Variants in SCG3 observed in about 807,000 individuals in gnomAD.
SCG3 encodes secretogranin-3.
SCG3 carries 38 observed loss-of-function variants against 56.2 expected under a neutral mutation model. That is an observed-to-expected ratio of 0.68 (90% confidence interval 0.52 to 0.89). The LOEUF is 0.89. Ranked by LOEUF, SCG3 falls within the 40% of genes least tolerant of loss-of-function variation. The pLI, the probability that SCG3 is intolerant of heterozygous loss-of-function variation, is 0.00. For missense variants in SCG3, 524 were observed against 540.7 expected, an observed-to-expected ratio of 0.97 and a Z score of 0.31; for synonymous variants, 176 against 184.2, an observed-to-expected ratio of 0.96 and a Z score of 0.36.
chr15:51,709,175 G>A (rs2055395585), intron 10 of SCG3, among the ~76,000 whole-genome samples: 2 of 152,174 alleles, frequency 1.3e-5, no homozygotes, highest in East Asian at 1.9e-4. Context: ...ATGGTAGGAA[G>A]GAGAAGTGCT....
chr15:51,683,033 T>C, intron 2 of SCG3, 46 bp from the exon 3 acceptor site: 2 of 1,485,650 alleles, frequency 1.3e-6, no homozygotes, highest in African/African-American at 1.4e-5. Context: ...TGGTAAGTAG[T>C]GGAGCAATGA....
chr15:51,716,353 T>C (rs543841259), intron 11 of SCG3, among the ~76,000 whole-genome samples: 10 of 152,318 alleles, frequency 6.6e-5, no homozygotes, highest in African/African-American at 2.4e-4. Context: ...GCCTGCAAAA[T>C]GTATGTTCAG....
chr15:51,715,880 C>CA lies in SCG3; in HGVS notation c.1288+2468dup, dbSNP rs1402099878. ...TCTGCACTTTTTTTTTTTTTTGAGA[C>CA]AGAGTCTCGCTCTGTCGCCCAGGCT... is the stretch of plus-strand genomic sequence containing the variant. On this transcript the variant is annotated intron_variant, in intron 11 of 11. Coordinates refer to ENST00000220478, the MANE Select transcript of SCG3 (RefSeq NM_013243.4). Among the ~76,000 whole-genome samples, 577 of 150,214 alleles carry CA rather than the reference C, an allele frequency of 3.8e-3. 5 individuals are homozygous for CA. Among genetic ancestry groups the CA allele is most frequent in the African/African-American group, 0.014 (560 of 40,668 alleles).
At position 51,707,361 on chromosome 15, in the gene SCG3, C is replaced by T. The variant is rs543270394; in HGVS notation, c.1208-5972C>T. On this transcript the variant is annotated intron_variant, in intron 10 of 11. Coordinates refer to ENST00000220478, the MANE Select transcript of SCG3 (RefSeq NM_013243.4). ...CCTGTGGATACACTTATTTTTTAAGCAACATAAGAGAATTCACGCCTGCCT... is the reference window on the plus strand; with the variant it reads ...CCTGTGGATACACTTATTTTTTAAGTAACATAAGAGAATTCACGCCTGCCT... Among the ~76,000 whole-genome samples, 9 of 152,172 alleles carry T rather than the reference C, an allele frequency of 5.9e-5. No homozygotes were observed. The South Asian group carries it at 1.2e-3, about 21-fold the overall frequency.
chr15:51,683,468 G>C, intron 4 of SCG3, 34 bp downstream of exon 4: 1 of 1,375,270 alleles, frequency 7.3e-7, no homozygotes. Flanking sequence ...TTGTTAACGT[G>C]GAGTTTCCTA....
intron 8 of SCG3, 59 bp from the exon 9 acceptor site, chr15:51,699,259 TA>T (rs1307929702): frequency 4.8e-6 from 6 of 1,237,350 alleles, no homozygotes; most frequent in Non-Finnish European, 7.0e-6. Flanking sequence ...ACATTTTTCG[TA>T]AAAATTTGAT....
intron 10 of SCG3, among the ~76,000 whole-genome samples, chr15:51,701,556 T>C (rs1260808877): frequency 6.6e-6 from 1 of 152,224 alleles, no homozygotes; most frequent in Non-Finnish European, 1.5e-5. Flanking sequence ...TATGAATTTA[T>C]TGAGCAATAT....
At chr15:51,704,240 C>CAT (rs1314214604) in intron 10 of SCG3, among the ~76,000 whole-genome samples, 2,440 of 58,476 alleles carry the variant, frequency 0.042, 29 homozygotes, top group Non-Finnish European at 0.06. Context: ...TACATACATA[C>CAT]ATACATATAT....
rs183596214 is a variant in SCG3 at position 51,701,356 on chromosome 15, C to A, written c.1207+112C>A. 2,270 of 1,102,988 alleles carry A rather than the reference C, an allele frequency of 2.1e-3. 5 individuals carry two copies. The highest frequency in any genetic ancestry group is 2.6e-3 in the Non-Finnish European group (2,011 of 775,804). 68.3% of individuals were successfully genotyped at this position (1,102,988 alleles called of 1,614,324 possible). ...CTCCATCACATCTGAGAAATTGACA[C>A]AATCTGTATAGAACAGGCTTGGCAT... On this transcript the variant is annotated intron_variant, in intron 10 of 11. Transcript: ENST00000220478.
At chr15:51,705,231 C>T (rs1389395908) in intron 10 of SCG3, among the ~76,000 whole-genome samples, 1 of 152,166 alleles carries the variant, frequency 6.6e-6, no homozygotes, top group Non-Finnish European at 1.5e-5. Flanking sequence ...AGGCTACATC[C>T]TTTGACTTGC....
intron 7 of SCG3, among the ~76,000 whole-genome samples, chr15:51,694,727 C>T (rs1296792987): frequency 1.3e-5 from 2 of 152,062 alleles, no homozygotes; most frequent in Admixed American, 6.6e-5. Flanking sequence ...AACAGAATGT[C>T]AAATACAAAG....
chr15:51,698,469 A>T (rs1326063823), intron 8 of SCG3, among the ~76,000 whole-genome samples: 5 of 152,352 alleles, frequency 3.3e-5, no homozygotes. Context: ...TAATATAAGT[A>T]GGGAAATGAC....
intron 10 of SCG3, among the ~76,000 whole-genome samples, chr15:51,704,324 A>C (rs2055360018): frequency 6.9e-6 from 1 of 144,268 alleles, no homozygotes; most frequent in African/African-American, 2.5e-5. Context: ...CATAACCTAA[A>C]ATTTACCATC....
At chr15:51,695,836 A>G (rs775568334) in intron 7 of SCG3, 39 bp from the exon 8 acceptor site, 4 of 1,059,212 alleles carry the variant, frequency 3.8e-6, no homozygotes, top group African/African-American at 1.6e-5. Context: ...AGAGGAAGCT[A>G]TCCCCCACAG....
In SCG3 at chr15:51,706,219, C is replaced by T. The variant is rs140839015; in HGVS notation, c.1207+4975C>T. On this transcript the variant is annotated intron_variant, in intron 10 of 11. Coordinates refer to ENST00000220478, the MANE Select transcript of SCG3 (RefSeq NM_013243.4). ...TGGAGGCAGGGTTGACTGGGTTTTC[C>T]GGGACAGTTATTCAGCAAGAAATAA... Among the ~76,000 whole-genome samples the T allele has an allele frequency of 9.2e-5, 14 of 152,278 alleles. No individual in the cohort carries two copies. In the East Asian group the frequency reaches 1.7e-3, roughly 19 times the overall value.
chr15:51,708,752 G>GGAGGCTTGAGGCAGGAGAAT (rs1350042385), intron 10 of SCG3, among the ~76,000 whole-genome samples: 5 of 151,958 alleles, frequency 3.3e-5, no homozygotes, highest in African/African-American at 7.2e-5. Context: ...CAGCTACTCC[G>GGAGGCTTGAGGCAGGAGAAT]GAGGCTTGAG....
chr15:51,683,114 A>G lies in SCG3; in HGVS notation c.171A>G (p.Thr57=). The G allele has an allele frequency of 6.2e-7, 1 of 1,609,896 alleles. No individual in the cohort carries two copies. The highest frequency in any genetic ancestry group is 8.5e-7 in the Non-Finnish European group (1 of 1,178,218). Residue 57 remains threonine, a synonymous_variant, in exon 3 of 12, where the codon ACA becomes ACG. Transcript: ENST00000220478. ...AEAEEDKIKK[T]YPPENKPGQS... ...CAGAAGAAGACAAGATTAAAAAAAC[A>G]TATCCTCCAGGTAAAAAGAAATCAT...
intron 1 of SCG3, among the ~76,000 whole-genome samples, chr15:51,682,053 A>C (rs74724388): frequency 6.6e-6 from 1 of 152,174 alleles, no homozygotes; most frequent in Non-Finnish European, 1.5e-5. Flanking sequence ...GGTTGTTTTT[A>C]AAGATCTTAT....
intron 9 of SCG3, among the ~76,000 whole-genome samples, chr15:51,700,230 G>A (rs565456582): frequency 6.6e-6 from 1 of 152,136 alleles, no homozygotes; most frequent in South Asian, 2.1e-4. Context: ...GAAAAAAAAT[G>A]CATCTCTCTA....
Sources: gnomAD v4.1 joint callset for allele counts (sites outside exome capture counted in the v4.1 genomes callset) on GRCh38, gnomAD v4.1.1 for gene constraint, MANE v1.5 for transcripts, NCBI Gene and HGNC (gene_info 2026-07-23, HGNC 2026-07-21) for gene names.